The following MIR2052HG variants were observed in gnomAD, a reference collection of about 807,000 sequenced individuals.
MIR2052HG encodes the protein MIR2052 host gene.
At chr8:74,677,970 C>T (rs969507237) in intron 2 of MIR2052HG, among the ~76,000 whole-genome samples, 11 of 151,842 alleles carry the variant, frequency 7.2e-5, no homozygotes, top group East Asian at 3.9e-4. Context: ...CTACAAAGAG[C>T]GGAAATTGAA....
intron 2 of MIR2052HG, among the ~76,000 whole-genome samples, chr8:74,637,433 A>G (rs1434052810): frequency 4.6e-5 from 7 of 150,772 alleles, no homozygotes; most frequent in Non-Finnish European, 1.0e-4. Flanking sequence ...ATGTGCGTGC[A>G]CACACACACA....
intron 2 of MIR2052HG, among the ~76,000 whole-genome samples, chr8:74,630,528 GAAAAA>G (rs200428495): frequency 2.7e-4 from 34 of 126,080 alleles, no homozygotes; most frequent in African/African-American, 9.3e-4. Flanking sequence ...AGATTTCTCT[GAAAAA>G]AAAAAAAAAA....
chr8:74,608,763 A>G (rs1808149063), intron 1 of MIR2052HG, among the ~76,000 whole-genome samples: 1 of 152,130 alleles, frequency 6.6e-6, no homozygotes, highest in African/African-American at 2.4e-5. Context: ...GAAAATGAAA[A>G]TACAGTATCA....
chr8:74,646,462 A>G (rs1302374452), intron 2 of MIR2052HG, among the ~76,000 whole-genome samples: 1 of 152,188 alleles, frequency 6.6e-6, no homozygotes. Context: ...TGGTTTGGGA[A>G]ACTGACTGGA....
chr8:74,708,492 G>A (rs1215202469), intron 4 of MIR2052HG, among the ~76,000 whole-genome samples: 3 of 152,092 alleles, frequency 2.0e-5, no homozygotes, highest in African/African-American at 7.2e-5. Flanking sequence ...ACAACTCTGT[G>A]TGGGTTATCT....
At chr8:74,729,383 A>T (rs935433167) in intron 4 of MIR2052HG, among the ~76,000 whole-genome samples, 2 of 152,186 alleles carry the variant, frequency 1.3e-5, no homozygotes, top group African/African-American at 2.4e-5. Context: ...GCACTATTTT[A>T]TGTAACATTA....
chr8:74,654,465 G>A lies in MIR2052HG; in HGVS notation n.216+41525G>A, dbSNP rs147268952. On this transcript the variant is annotated intron_variant and non_coding_transcript_variant, in intron 2 of 6. Transcript: ENST00000523442. ...CCGGAACTCCCCCGTGTTGTGGGAGGGACCTAGGATGAGGTAATTGGATCA... is the reference window on the plus strand; with the variant it reads ...CCGGAACTCCCCCGTGTTGTGGGAGAGACCTAGGATGAGGTAATTGGATCA... 2.7e-3 allele frequency among the ~76,000 whole-genome samples: 407 copies of A among 152,198 alleles called. 3 individuals are homozygous for A. The highest frequency in any genetic ancestry group is 6.3e-3 in the Admixed American group (97 of 15,290).
Position 74,701,396 on chromosome 8 carries a change from A to G in MIR2052HG, n.217-983A>G, listed in dbSNP as rs74639488. Among the ~76,000 whole-genome samples the G allele has an allele frequency of 9.3e-3, 1,420 of 152,094 alleles. 26 individuals carry two copies. The highest frequency in any genetic ancestry group is 0.032 in the African/African-American group (1,345 of 41,504). ...GTTCAAGCACTGTTTCTACTTGGAGAGAATGCTTCATTGTGCGGGGGTTGG... is the reference window on the plus strand; with the variant it reads ...GTTCAAGCACTGTTTCTACTTGGAGGGAATGCTTCATTGTGCGGGGGTTGG... On this transcript the variant is annotated intron_variant and non_coding_transcript_variant, in intron 2 of 6. Coordinates refer to ENST00000523442, the Ensembl canonical transcript of MIR2052HG.
At chr8:74,720,195 C>A (rs1809561851) in intron 4 of MIR2052HG, among the ~76,000 whole-genome samples, 1 of 152,226 alleles carries the variant, frequency 6.6e-6, no homozygotes, top group East Asian at 1.9e-4. Flanking sequence ...GTGTAGAAAT[C>A]ATTTTTATCA....
intron 1 of MIR2052HG, among the ~76,000 whole-genome samples, chr8:74,610,875 C>A (rs748293209): frequency 9.9e-5 from 15 of 151,916 alleles, no homozygotes; most frequent in Non-Finnish European, 1.8e-4. Context: ...CAAAAAGTAT[C>A]AAGCTAAAAA....
intron 1 of MIR2052HG, among the ~76,000 whole-genome samples, chr8:74,600,313 G>A (rs1307249274): frequency 6.6e-6 from 1 of 150,926 alleles, no homozygotes; most frequent in Non-Finnish European, 1.5e-5. Flanking sequence ...AGGTGGGCAT[G>A]GTGGCTCACA....
At chr8:74,722,551 C>A (rs1809590018) in intron 4 of MIR2052HG, among the ~76,000 whole-genome samples, 1 of 152,018 alleles carries the variant, frequency 6.6e-6, no homozygotes, top group African/African-American at 2.4e-5. Flanking sequence ...ACCTTGCTTT[C>A]TCTTTTTCAT....
chr8:74,745,907 GT>G (rs941637918), intron 4 of MIR2052HG, among the ~76,000 whole-genome samples: 1 of 152,172 alleles, frequency 6.6e-6, no homozygotes, highest in Non-Finnish European at 1.5e-5. Context: ...TATCAACTCA[GT>G]TAGTTCTCCC....
chr8:74,633,883 G>C (rs1808550245), intron 2 of MIR2052HG, among the ~76,000 whole-genome samples: 1 of 152,208 alleles, frequency 6.6e-6, no homozygotes, highest in Non-Finnish European at 1.5e-5. Flanking sequence ...GTAAACTTAA[G>C]AATGGTTTGT....
chr8:74,751,501 C>T (rs1809946862), intron 4 of MIR2052HG, among the ~76,000 whole-genome samples: 1 of 152,164 alleles, frequency 6.6e-6, no homozygotes, highest in East Asian at 1.9e-4. Context: ...GACAAGTTTA[C>T]GTATTAATTG....
At chr8:74,611,488 C>A (rs1808194158) in intron 1 of MIR2052HG, among the ~76,000 whole-genome samples, 1 of 152,064 alleles carries the variant, frequency 6.6e-6, no homozygotes, top group South Asian at 2.1e-4. Context: ...TCCTAAATGG[C>A]CATGTGAATA....
intron 2 of MIR2052HG, among the ~76,000 whole-genome samples, chr8:74,655,505 G>A (rs544492319): frequency 5.9e-5 from 9 of 152,284 alleles, no homozygotes; most frequent in Admixed American, 3.3e-4. Flanking sequence ...GGTACAGCTC[G>A]GCCATGGTTT....
At chr8:74,702,507 C>A in intron 3 of MIR2052HG, 1 of 393,606 alleles carries the variant, frequency 2.5e-6, no homozygotes, top group Non-Finnish European at 5.3e-6. Flanking sequence ...CTGCACACAT[C>A]CTACTAGAAT....
chr8:74,609,332 C>T (rs138005519), intron 1 of MIR2052HG, among the ~76,000 whole-genome samples: 46 of 151,998 alleles, frequency 3.0e-4, no homozygotes, highest in Middle Eastern at 6.8e-3. Context: ...AAACTTTAGA[C>T]CCAGATGCTT....
Sources: gnomAD v4.1 joint callset for allele counts (sites outside exome capture counted in the v4.1 genomes callset) on GRCh38, gnomAD v4.1.1 for gene constraint, MANE v1.5 for transcripts, NCBI Gene and HGNC (gene_info 2026-07-23, HGNC 2026-07-21) for gene names.